Variants in PRKG1 observed in about 807,000 individuals in gnomAD.
The protein encoded by PRKG1 is cGMP-dependent protein kinase 1.
PRKG1 carries 35 observed loss-of-function variants against 88.1 expected under a neutral mutation model. That is an observed-to-expected ratio of 0.40 (90% CI 0.30 to 0.53). The LOEUF (loss-of-function observed/expected upper bound fraction) is 0.53. Among genes scored for constraint, PRKG1 ranks in the 20% least tolerant of loss-of-function variants. PRKG1 has a pLI of 0.59. For synonymous variants in PRKG1, 303 were observed against 292.5 expected, an observed-to-expected ratio of 1.04 and a Z score of -0.37; for missense variants, 540 against 839.8, an observed-to-expected ratio of 0.64 and a Z score of 4.41.
chr10:51,733,421 C>G (rs77656148), intron 3 of PRKG1, among the ~76,000 whole-genome samples: 2 of 152,032 alleles, frequency 1.3e-5, no homozygotes, highest in African/African-American at 4.8e-5. Flanking sequence ...ATTAGTTGCA[C>G]CAACTAATAG....
intron 3 of PRKG1, among the ~76,000 whole-genome samples, chr10:51,678,686 T>G (rs751506377): frequency 6.6e-6 from 1 of 152,242 alleles, no homozygotes; most frequent in Non-Finnish European, 1.5e-5. Flanking sequence ...TATTTCTGTA[T>G]TTTACATTAA....
intron 4 of PRKG1, among the ~76,000 whole-genome samples, chr10:51,854,462 A>G (rs1396952612): frequency 6.6e-6 from 1 of 152,174 alleles, no homozygotes; most frequent in African/African-American, 2.4e-5. Context: ...TTAGCAATAA[A>G]TTGGAAATAA....
intron 2 of PRKG1, among the ~76,000 whole-genome samples, chr10:51,393,181 G>A (rs1837481824): frequency 6.6e-6 from 1 of 150,730 alleles, no homozygotes; most frequent in Admixed American, 6.6e-5. Flanking sequence ...CTCCCAGACG[G>A]GGTCGCGGGG....
chr10:51,293,950 AT>A lies in PRKG1; in HGVS notation c.478+140623del, dbSNP rs560426307. Among the ~76,000 whole-genome samples, 9 of 152,102 alleles carry A rather than the reference AT, an allele frequency of 5.9e-5. No individual in the cohort carries two copies. In the South Asian group the frequency reaches 1.7e-3, roughly 28 times the overall value. ...GAGCTCATATCTCATTGTGGTTTTG[AT>A]TTGGATTTTCCTGATGGTCAGTGAT... On this transcript the variant is annotated intron_variant, in intron 2 of 17. Transcript: ENST00000373980.
At chr10:51,674,583 A>T (rs1840664531) in intron 3 of PRKG1, among the ~76,000 whole-genome samples, 1 of 152,228 alleles carries the variant, frequency 6.6e-6, no homozygotes, top group Admixed American at 6.5e-5. Flanking sequence ...GTGGTGAATC[A>T]CAAGCAGTAT....
chr10:52,210,211 T>C (rs1345802932), intron 9 of PRKG1, among the ~76,000 whole-genome samples: 1 of 152,062 alleles, frequency 6.6e-6, no homozygotes, highest in Non-Finnish European at 1.5e-5. Flanking sequence ...CGGATTGCTG[T>C]TAGAATAAAA....
At chr10:51,455,866 TCTGAGCC>T (rs778177275) in intron 2 of PRKG1, among the ~76,000 whole-genome samples, 8 of 152,202 alleles carry the variant, frequency 5.3e-5, no homozygotes, top group Non-Finnish European at 7.3e-5. Context: ...TCTGTCTTCT[TCTGAGCC>T]CTGAAAGCTG....
At chr10:51,552,727 T>C (rs1466959083) in intron 3 of PRKG1, among the ~76,000 whole-genome samples, 2 of 151,606 alleles carry the variant, frequency 1.3e-5, no homozygotes, top group South Asian at 2.1e-4. Flanking sequence ...TTTAATGTAA[T>C]CCAGGCTGTT....
chr10:51,475,083 A>G (rs1456955785), intron 3 of PRKG1, among the ~76,000 whole-genome samples: 2 of 151,950 alleles, frequency 1.3e-5, no homozygotes, highest in African/African-American at 2.4e-5. Context: ...TAGTTCATTA[A>G]CAGAGTCTCT....
At chr10:52,075,883 GC>G (rs968193796) in intron 7 of PRKG1, among the ~76,000 whole-genome samples, 2 of 152,062 alleles carry the variant, frequency 1.3e-5, no homozygotes, top group Non-Finnish European at 2.9e-5. Flanking sequence ...CATCATGAGG[GC>G]CCCACTTTCA....
At chr10:51,932,131 C>A (rs897344835) in intron 5 of PRKG1, among the ~76,000 whole-genome samples, 1 of 151,234 alleles carries the variant, frequency 6.6e-6, no homozygotes, top group African/African-American at 2.4e-5. Flanking sequence ...TGCTTTATTC[C>A]TTACCTCAGA....
Position 51,285,194 on chromosome 10 carries a change from T to A in PRKG1, c.478+131864T>A, listed in dbSNP as rs1404798923. On this transcript the variant is annotated intron_variant, in intron 2 of 17. Coordinates refer to ENST00000373980, the MANE Select transcript of PRKG1 (RefSeq NM_006258.4). ...GTTTACTGAGAATGATGGTTTTTTT[T>A]AAAAGTCTTATTTTGTTAGACATTT... is the stretch of plus-strand genomic sequence containing the variant. Among the ~76,000 whole-genome samples, 8 of 152,046 alleles carry A rather than the reference T, an allele frequency of 5.3e-5. No individual in the cohort carries two copies. The East Asian group carries it at 5.8e-4, about 11-fold the overall frequency.
chr10:51,565,289 T>A (rs1300171618), intron 3 of PRKG1, among the ~76,000 whole-genome samples: 1 of 152,078 alleles, frequency 6.6e-6, no homozygotes. Context: ...GCTCTTTGTC[T>A]TCATACTGTC....
At chr10:51,860,586 T>C (rs1476838572) in intron 4 of PRKG1, among the ~76,000 whole-genome samples, 1 of 152,226 alleles carries the variant, frequency 6.6e-6, no homozygotes, top group African/African-American at 2.4e-5. Flanking sequence ...GCATCTCTAA[T>C]GGTTACACCA....
At chr10:52,278,772 G>A (rs1841933282) in intron 12 of PRKG1, among the ~76,000 whole-genome samples, 1 of 151,862 alleles carries the variant, frequency 6.6e-6, no homozygotes, top group Non-Finnish European at 1.5e-5. Context: ...GCATGGTGGT[G>A]CGTGCCTGTA....
intron 9 of PRKG1, among the ~76,000 whole-genome samples, chr10:52,178,168 T>TTTG (rs1838916310): frequency 6.6e-6 from 1 of 152,056 alleles, no homozygotes; most frequent in Non-Finnish European, 1.5e-5. Context: ...TGCTTTGCTG[T>TTTG]GTCCCATAGG....
At chr10:51,487,280 A>T (rs1199736039) in intron 3 of PRKG1, among the ~76,000 whole-genome samples, 1 of 152,180 alleles carries the variant, frequency 6.6e-6, no homozygotes, top group East Asian at 1.9e-4. Flanking sequence ...TTAATCTGAC[A>T]TATTTCTGCT....
chr10:51,751,949 A>T (rs1837736571), intron 3 of PRKG1, among the ~76,000 whole-genome samples: 1 of 152,192 alleles, frequency 6.6e-6, no homozygotes. Flanking sequence ...TAGTCAGTGC[A>T]TATACATTTT....
At chr10:52,281,930 G>T (rs951685669) in intron 13 of PRKG1, among the ~76,000 whole-genome samples, 9 of 152,148 alleles carry the variant, frequency 5.9e-5, no homozygotes, top group East Asian at 3.9e-4. Context: ...TATTTTTAAT[G>T]ATGTGAATTT....
Sources: gnomAD v4.1 joint callset for allele counts (sites outside exome capture counted in the v4.1 genomes callset) on GRCh38, gnomAD v4.1.1 for gene constraint, MANE v1.5 for transcripts, NCBI Gene and HGNC (gene_info 2026-07-23, HGNC 2026-07-21) for gene names.